KCNMA1: variants seen among roughly 807,000 people sequenced by gnomAD.
KCNMA1 encodes potassium calcium-activated channel subfamily M alpha 1.
KCNMA1 carries 29 observed loss-of-function variants against 140.0 expected under a neutral mutation model. The observed-to-expected ratio is 0.21, with a 90% CI of 0.15 to 0.28. The LOEUF is 0.28. KCNMA1 is among the 10% of genes least tolerant of loss of function. The pLI is 1.00. For synonymous variants in KCNMA1, 612 were observed against 611.9 expected, an observed-to-expected ratio of 1.00 and a Z score of 0.00; for missense variants, 880 against 1,602.2, an observed-to-expected ratio of 0.55 and a Z score of 7.70.
chr10:77,064,809 G>T (rs1448884488), intron 14 of KCNMA1, among the ~76,000 whole-genome samples: 1 of 152,040 alleles, frequency 6.6e-6, no homozygotes, highest in African/African-American at 2.4e-5. Flanking sequence ...TCAATTCATG[G>T]GTGTTTATTT....
chr10:76,932,976 T>G (rs1405133761), intron 23 of KCNMA1, among the ~76,000 whole-genome samples: 1 of 152,164 alleles, frequency 6.6e-6, no homozygotes, highest in Admixed American at 6.6e-5. Flanking sequence ...AATAGTACAT[T>G]CAGCGAGGCC....
intron 1 of KCNMA1, among the ~76,000 whole-genome samples, chr10:77,535,000 A>G (rs1327143795): frequency 6.6e-6 from 1 of 152,206 alleles, no homozygotes; most frequent in African/African-American, 2.4e-5. Context: ...TCTACAACCT[A>G]TATCTACAAC....
intron 19 of KCNMA1, among the ~76,000 whole-genome samples, chr10:76,990,117 T>C (rs2082329466): frequency 6.6e-6 from 1 of 152,192 alleles, no homozygotes; most frequent in South Asian, 2.1e-4. Flanking sequence ...TTCTGGAACT[T>C]ACTCAAAGTC....
At chr10:76,966,108 G>T (rs967929884) in intron 20 of KCNMA1, among the ~76,000 whole-genome samples, 1 of 152,134 alleles carries the variant, frequency 6.6e-6, no homozygotes, top group Non-Finnish European at 1.5e-5. Context: ...AAAGTCATTT[G>T]GGTGCTAGAC....
chr10:77,219,616 CGTTTTGTTTTGTTTTGTTTTTGAGATGGA>C (rs921826840), intron 3 of KCNMA1, among the ~76,000 whole-genome samples: 10 of 152,194 alleles, frequency 6.6e-5, no homozygotes, highest in Non-Finnish European at 1.3e-4. Context: ...TGTTGTTGTT[CGTTTTGTTTTGTTTTGTTTTTGAGATGGA>C]GTTTTGCTCT....
chr10:77,623,710 A>T (rs1482689713), intron 1 of KCNMA1, among the ~76,000 whole-genome samples: 1 of 152,130 alleles, frequency 6.6e-6, no homozygotes, highest in Non-Finnish European at 1.5e-5. Context: ...CTCAAAAAAA[A>T]AAAAAGAAAG....
intron 1 of KCNMA1, among the ~76,000 whole-genome samples, chr10:77,545,007 C>T (rs2061083422): frequency 6.6e-6 from 1 of 152,124 alleles, no homozygotes; most frequent in Non-Finnish European, 1.5e-5. Flanking sequence ...TCTGCAGGTG[C>T]AAAATGTACC....
At chr10:77,571,986 G>A (rs2071540940) in intron 1 of KCNMA1, among the ~76,000 whole-genome samples, 1 of 152,114 alleles carries the variant, frequency 6.6e-6, no homozygotes, top group African/African-American at 2.4e-5. Flanking sequence ...TGGAAGGGAG[G>A]AAAAAACGCA....
chr10:77,022,820 C>T (rs1162577234), intron 16 of KCNMA1: 4 of 247,640 alleles, frequency 1.6e-5, no homozygotes, highest in Non-Finnish European at 3.5e-5. Context: ...TCAGTCAGGC[C>T]GATTAAAGGA....
intron 1 of KCNMA1, among the ~76,000 whole-genome samples, chr10:77,631,090 G>C (rs111942152): frequency 0.052 from 6,682 of 128,226 alleles, 444 homozygotes; most frequent in African/African-American, 0.16. Flanking sequence ...CTGGGCAACA[G>C]AGTGAGACCC....
intron 1 of KCNMA1, among the ~76,000 whole-genome samples, chr10:77,503,177 G>A (rs750420918): frequency 2.6e-5 from 4 of 152,204 alleles, no homozygotes; most frequent in Non-Finnish European, 4.4e-5. Context: ...AAATGTTGCA[G>A]GGATCTGAAC....
intron 11 of KCNMA1, among the ~76,000 whole-genome samples, chr10:77,085,359 A>G (rs1480851059): frequency 6.6e-6 from 1 of 152,208 alleles, no homozygotes; most frequent in Non-Finnish European, 1.5e-5. Context: ...ACTTATCCAA[A>G]CACGAGCCCA....
chr10:77,635,587 A>C (rs2093655492), intron 1 of KCNMA1: 1 of 152,248 alleles, frequency 6.6e-6, no homozygotes, highest in Non-Finnish European at 1.5e-5. Flanking sequence ...TGAAGGCTCC[A>C]GGAATAAGCT....
chr10:77,347,307 T>C (rs896106926), intron 2 of KCNMA1, among the ~76,000 whole-genome samples: 1 of 152,236 alleles, frequency 6.6e-6, no homozygotes, highest in African/African-American at 2.4e-5. Flanking sequence ...TTACCATCCC[T>C]ATGTTACAAC....
chr10:77,488,724 T>C (rs970600957), intron 1 of KCNMA1, among the ~76,000 whole-genome samples: 2 of 152,074 alleles, frequency 1.3e-5, no homozygotes, highest in Admixed American at 1.3e-4. Flanking sequence ...GAAGGTACCA[T>C]GTCCAAGTGC....
intron 2 of KCNMA1, among the ~76,000 whole-genome samples, chr10:77,277,240 G>A (rs937475957): frequency 6.6e-6 from 1 of 152,170 alleles, no homozygotes; most frequent in African/African-American, 2.4e-5. Flanking sequence ...CATACCTCCA[G>A]GCCAAACTCT....
intron 18 of KCNMA1, chr10:77,008,307 C>T (rs2089719041): frequency 9.3e-7 from 1 of 1,079,550 alleles, no homozygotes; most frequent in Non-Finnish European, 1.3e-6. Flanking sequence ...CCTTCAAACA[C>T]ATCAAACTAG....
intron 4 of KCNMA1, among the ~76,000 whole-genome samples, chr10:77,183,886 T>C (rs953323257): frequency 2.0e-5 from 3 of 152,206 alleles, no homozygotes; most frequent in Non-Finnish European, 4.4e-5. Flanking sequence ...CGTTTTCTAG[T>C]GCCCCATAGA....
chr10:77,556,378 G>A (rs1320348730), intron 1 of KCNMA1, among the ~76,000 whole-genome samples: 1 of 151,648 alleles, frequency 6.6e-6, no homozygotes, highest in East Asian at 1.9e-4. Flanking sequence ...AGTAGCATGT[G>A]CCTGTAATCC....
Sources: allele counts gnomAD v4.1 joint callset (sites outside exome capture counted in the v4.1 genomes callset), GRCh38; gene constraint gnomAD v4.1.1; transcripts MANE v1.5; gene names NCBI Gene and HGNC (gene_info 2026-07-23, HGNC 2026-07-21).